The following DMXL1 variants were observed in gnomAD, a reference collection of about 807,000 sequenced individuals.
The protein encoded by DMXL1 is dmX-like protein 1.
A neutral mutation model predicts 319.2 loss-of-function variants in DMXL1; 99 were observed. The observed-to-expected ratio is 0.31, with a 90% confidence interval of 0.26 to 0.37. The LOEUF is 0.37. Ranked by LOEUF, DMXL1 falls within the 10% of genes least tolerant of loss-of-function variation. The pLI is 1.00. For synonymous variants in DMXL1, 1,385 were observed against 1,235.2 expected, an observed-to-expected ratio of 1.12 and a Z score of -2.54; for missense variants, 3,745 against 3,595.6, an observed-to-expected ratio of 1.04 and a Z score of -1.06.
intron 10 of DMXL1, among the ~76,000 whole-genome samples, chr5:119,131,918 CT>C (rs1764984588): frequency 6.6e-6 from 1 of 152,022 alleles, no homozygotes; most frequent in Non-Finnish European, 1.5e-5. Flanking sequence ...ATTAGTTTTG[CT>C]AAGGCATTTT....
chr5:119,243,549 A>G (rs966470363), intron 42 of DMXL1, among the ~76,000 whole-genome samples: 5 of 152,112 alleles, frequency 3.3e-5, no homozygotes, highest in Non-Finnish European at 5.9e-5. Context: ...TTAAAGAAAA[A>G]TAGTATCATA....
intron 1 of DMXL1, among the ~76,000 whole-genome samples, chr5:119,095,347 T>A (rs9327087): frequency 6.6e-6 from 1 of 152,090 alleles, no homozygotes; most frequent in Non-Finnish European, 1.5e-5. Flanking sequence ...GGTATTTTCC[T>A]CTGTATAGTA....
In DMXL1 at chr5:119,097,578, G is replaced by A. The variant is rs762545548; in HGVS notation, c.88-401G>A. On this transcript the variant is annotated intron_variant, in intron 1 of 43. Coordinates refer to ENST00000539542, the MANE Select transcript of DMXL1 (RefSeq NM_001290321.3). ...TAAAAATACAAAAAACTAGCCGGGCGTGGTGGTGGGCACCTGTAGTCTCAG... is the reference window on the plus strand; with the variant it reads ...TAAAAATACAAAAAACTAGCCGGGCATGGTGGTGGGCACCTGTAGTCTCAG... 1.1e-4 allele frequency among the ~76,000 whole-genome samples: 16 copies of A among 152,272 alleles called. No homozygotes were observed. In the South Asian group the frequency reaches 1.7e-3, roughly 16 times the overall value.
intron 26 of DMXL1, 84 bp from the exon 27 acceptor site, chr5:119,177,273 A>C (rs1464323218): frequency 7.1e-6 from 7 of 989,954 alleles, no homozygotes; most frequent in Admixed American, 6.8e-5. Flanking sequence ...ATAAACAAAA[A>C]TTGATACTCT....
In DMXL1 at chr5:119,167,589, A is replaced by ATT; in HGVS notation, c.5137-6_5137-5dup. On this transcript the variant is annotated splice_polypyrimidine_tract_variant and intron_variant, in intron 22 of 43. Coordinates refer to ENST00000539542, the MANE Select transcript of DMXL1 (RefSeq NM_001290321.3). Reference sequence around the variant, plus strand: ...CTGCTCCTGCTTATTTAAAAACAATATTTTTTTTTAAAGGTATGTCTTGAG... The same window carrying ATT: ...CTGCTCCTGCTTATTTAAAAACAATATTTTTTTTTTTAAAGGTATGTCTTGAG... 1 of 1,530,204 alleles carries ATT rather than the reference A, an allele frequency of 6.5e-7. No homozygotes were observed. The highest frequency in any genetic ancestry group is 2.1e-5 in the Admixed American group (1 of 47,796). 94.8% of individuals were successfully genotyped at this position (1,530,204 alleles called of 1,614,324 possible). A position where few individuals can be genotyped will look rare whatever the true frequency, so the allele number is the denominator to read the frequency against.
intron 10 of DMXL1, chr5:119,132,924 T>G (rs566702434): frequency 3.4e-4 from 206 of 610,622 alleles, no homozygotes; most frequent in Non-Finnish European, 5.6e-4. Flanking sequence ...CATTAAGCAT[T>G]ACATTTACTG....
chr5:119,107,548 T>C (rs374725261), intron 4 of DMXL1, among the ~76,000 whole-genome samples: 1 of 152,208 alleles, frequency 6.6e-6, no homozygotes, highest in South Asian at 2.1e-4. Flanking sequence ...TGTAATTTAA[T>C]ATCTGTAATA....
chr5:119,189,660 A>C (rs1778357880), intron 28 of DMXL1, 48 bp from the exon 29 acceptor site: 1 of 1,560,006 alleles, frequency 6.4e-7, no homozygotes, highest in African/African-American at 1.4e-5. Flanking sequence ...GGTGAAATAA[A>C]TGCAATGAAA....
intron 1 of DMXL1, among the ~76,000 whole-genome samples, chr5:119,090,710 C>T (rs550025177): frequency 2.5e-4 from 38 of 151,916 alleles, no homozygotes; most frequent in Non-Finnish European, 4.7e-4. Flanking sequence ...TTACCGGCGC[C>T]TGCTACCATG....
intron 28 of DMXL1, among the ~76,000 whole-genome samples, chr5:119,179,593 A>C (rs1178960798): frequency 6.6e-6 from 1 of 152,188 alleles, no homozygotes; most frequent in Non-Finnish European, 1.5e-5. Flanking sequence ...GCTATATTAA[A>C]AAGAATTTAG....
At position 119,178,258 on chromosome 5, in the gene DMXL1, AT is replaced by A. The variant is rs759326200; in HGVS notation, c.7135+21del. ...AAACTTTACCTGGTGAGTTTAAAAA[AT>A]TTTTTTAGGACTGAAGCTTTATTTA... is the stretch of plus-strand genomic sequence containing the variant. On this transcript the variant is annotated intron_variant, in intron 28 of 43. Coordinates refer to ENST00000539542, the MANE Select transcript of DMXL1 (RefSeq NM_001290321.3). 1 of 1,608,592 alleles carries A rather than the reference AT, an allele frequency of 6.2e-7. No homozygotes were observed. The highest frequency in any genetic ancestry group is 2.2e-5 in the East Asian group (1 of 44,818).
At chr5:119,211,744 C>G (rs1275946608) in intron 34 of DMXL1, among the ~76,000 whole-genome samples, 1 of 152,134 alleles carries the variant, frequency 6.6e-6, no homozygotes. Context: ...TGAAGTGTTC[C>G]AAGTACACAA....
chr5:119,213,822 T>G (rs1195694240), intron 34 of DMXL1, among the ~76,000 whole-genome samples: 1 of 152,238 alleles, frequency 6.6e-6, no homozygotes, highest in South Asian at 2.1e-4. Flanking sequence ...AGTAGTCAAT[T>G]ATCTATCTTC....
rs895737897 is a variant in DMXL1, at chr5:119,098,219, T to G, written c.213+115T>G. 15 of 1,262,340 alleles carry G rather than the reference T, an allele frequency of 1.2e-5. No individual in the cohort carries two copies. In the Admixed American group the frequency reaches 2.8e-4, roughly 24 times the overall value. 78.2% of individuals were successfully genotyped at this position (1,262,340 alleles called of 1,614,324 possible). A position where few individuals can be genotyped will look rare whatever the true frequency, so the allele number is the denominator to read the frequency against. ...AGACTTGGCTTTGTTTCAAAGATAG[T>G]GTAGCTAGAAGAATTTTTGGCTGTC... On this transcript the variant is annotated intron_variant, in intron 2 of 43. Transcript: ENST00000539542.
chr5:119,231,289 C>G (rs1561929356), intron 38 of DMXL1, among the ~76,000 whole-genome samples: 1 of 152,130 alleles, frequency 6.6e-6, no homozygotes, highest in Non-Finnish European at 1.5e-5. Flanking sequence ...AGCTGGAGTT[C>G]CAGTTGGAGG....
In DMXL1 at chr5:119,133,854, G is replaced by A; in HGVS notation, c.1930G>A (p.Ala644Thr). 3 of 1,614,028 alleles carry A rather than the reference G, an allele frequency of 1.9e-6. No homozygotes were observed. Among genetic ancestry groups the A allele is most frequent in the Non-Finnish European group, 2.5e-6 (3 of 1,180,012 alleles). ...CGHRFHLNDL[A>T]CHSVLPLLLT... The stretch of plus-strand genomic sequence containing the variant: ...TCATCGTTTTCATCTTAATGATTTA[G>A]CTTGCCACTCAGTATTACCATTATT... The change falls in exon 12 of 44, where the codon GCT becomes ACT. Residue 644 changes from alanine (A) to threonine (T), a missense_variant. Ala to Thr is a moderately conservative substitution (Grantham distance 58). Around this residue, in one of 4 missense-constraint regions of DMXL1, gnomAD observed 2,096 missense variants for 1,985.4 expected, o/e 1.06. Coordinates refer to ENST00000539542, the MANE Select transcript of DMXL1 (RefSeq NM_001290321.3).
chr5:119,095,207 T>C (rs1755665199), intron 1 of DMXL1, among the ~76,000 whole-genome samples: 1 of 152,166 alleles, frequency 6.6e-6, no homozygotes, highest in African/African-American at 2.4e-5. Flanking sequence ...GGAGACAGCT[T>C]TGTTAACTTC....
In DMXL1 at chr5:119,193,976, G is replaced by A. The variant is rs1466845128; in HGVS notation, c.7457+6G>A. ...TCTAATTCAAATTCATATAGGTATG[G>A]TATATTTTATTTTAAATTTCTTTTT... On this transcript the variant is annotated splice_donor_region_variant and intron_variant, in intron 30 of 43. Transcript: ENST00000539542. 1.3e-6 allele frequency: 2 copies of A among 1,513,732 alleles called. No homozygotes were observed. Among genetic ancestry groups the A allele is most frequent in the Non-Finnish European group, 8.9e-7 (1 of 1,128,224 alleles). 93.8% of individuals were successfully genotyped at this position (1,513,732 alleles called of 1,614,324 possible).
At chr5:119,113,275 C>A (rs1427950054) in intron 5 of DMXL1, among the ~76,000 whole-genome samples, 1 of 152,142 alleles carries the variant, frequency 6.6e-6, no homozygotes, top group African/African-American at 2.4e-5. Context: ...CGGAGTCTTG[C>A]TCTGTCACCC....
Sources: allele counts gnomAD v4.1 joint callset (sites outside exome capture counted in the v4.1 genomes callset), GRCh38; gene constraint gnomAD v4.1.1; regional missense constraint gnomAD v4.1.1; transcripts MANE v1.5; gene names NCBI Gene and HGNC (gene_info 2026-07-23, HGNC 2026-07-21).